Variants in AXDND1 observed in about 807,000 individuals in gnomAD.
AXDND1 encodes the protein axonemal dynein light chain domain containing 1, also known as axonemal dynein light chain domain-containing protein 1.
AXDND1 carries 110 observed loss-of-function variants against 137.5 expected under a neutral mutation model. That is an observed-to-expected ratio of 0.80 (90% CI 0.69 to 0.94). The LOEUF is 0.94. AXDND1 is among the 40% of genes least tolerant of loss of function. The pLI is 0.00. For missense variants in AXDND1, 1,191 were observed against 1,169.8 expected (o/e 1.02, Z -0.26); for synonymous variants, 414 against 399.7 (o/e 1.04, Z -0.43).
At chr1:179,518,796 A>G (rs112612176) in intron 21 of AXDND1, among the ~76,000 whole-genome samples, 4,576 of 151,986 alleles carry the variant, frequency 0.03, 214 homozygotes, top group African/African-American at 0.1. Context: ...TCATTGATGG[A>G]TATTTAGGTT....
intron 20 of AXDND1, among the ~76,000 whole-genome samples, chr1:179,501,688 C>A (rs1052138216): frequency 6.6e-6 from 1 of 151,832 alleles, no homozygotes; most frequent in African/African-American, 2.4e-5. Flanking sequence ...CCAGCCTGGG[C>A]GACAGAGTGA....
At chr1:179,488,655 C>CTT (rs747190313) in intron 18 of AXDND1, among the ~76,000 whole-genome samples, 42 of 107,170 alleles carry the variant, frequency 3.9e-4, no homozygotes, top group African/African-American at 6.9e-4. Context: ...TTCTTTCTTT[C>CTT]TTTCTTTCTT....
chr1:179,533,764 G>A, intron 23 of AXDND1, 31 bp from the exon 24 acceptor site: 3 of 1,508,368 alleles, frequency 2.0e-6, no homozygotes, highest in South Asian at 1.1e-5. Flanking sequence ...GAGACTGTCA[G>A]TTCATTCATA....
chr1:179,436,038 A>G (rs998213345), intron 15 of AXDND1, among the ~76,000 whole-genome samples: 1 of 152,232 alleles, frequency 6.6e-6, no homozygotes, highest in African/African-American at 2.4e-5. Flanking sequence ...AAGGATATGA[A>G]CAGACATTTC....
intron 12 of AXDND1, among the ~76,000 whole-genome samples, chr1:179,426,469 T>C (rs539249163): frequency 5.9e-5 from 9 of 152,032 alleles, no homozygotes; most frequent in African/African-American, 2.2e-4. Context: ...ATGATAAACA[T>C]GAACATTTGC....
chr1:179,523,766 G>C (rs1350609525), intron 21 of AXDND1, among the ~76,000 whole-genome samples: 2 of 151,970 alleles, frequency 1.3e-5, no homozygotes, highest in Non-Finnish European at 2.9e-5. Flanking sequence ...GGTTACATGA[G>C]TAAGTTCTTT....
chr1:179,389,020 G>A (rs1649699174), intron 9 of AXDND1, among the ~76,000 whole-genome samples: 1 of 111,688 alleles, frequency 9.0e-6, no homozygotes, highest in Non-Finnish European at 1.7e-5. Context: ...CGTCACCCAG[G>A]CTACAGTGCA....
chr1:179,404,247 A>C (rs143746047), intron 11 of AXDND1, among the ~76,000 whole-genome samples: 6,652 of 129,126 alleles, frequency 0.052, 222 homozygotes, highest in Non-Finnish European at 0.073. Flanking sequence ...TTTGAGATGG[A>C]GTCTCACTCT....
At chr1:179,484,731 C>T (rs937132113) in intron 18 of AXDND1, among the ~76,000 whole-genome samples, 4 of 152,214 alleles carry the variant, frequency 2.6e-5, no homozygotes, top group African/African-American at 7.2e-5. Context: ...AGACCTTGCC[C>T]CTCCTTCCCC....
At chr1:179,425,835 CTTTT>C (rs11300946) in intron 12 of AXDND1, among the ~76,000 whole-genome samples, 3 of 101,090 alleles carry the variant, frequency 3.0e-5, no homozygotes, top group Admixed American at 1.1e-4. Context: ...TGTGGAAGCT[CTTTT>C]TTTTTTTTTT....
At position 179,534,871 on chromosome 1, in the gene AXDND1, T is replaced by C. The variant is rs1479086957; in HGVS notation, c.2940T>C (p.Asn980=). The change falls in exon 25 of 26, where the codon AAT becomes AAC. Residue 980 remains asparagine, a synonymous_variant. Coordinates refer to ENST00000367618, the MANE Select transcript of AXDND1 (RefSeq NM_144696.6). ...AGGAGTCTAAAGAAGAGAAAGAAAA[T>C]CAAGATGAAAGAGAAGTAAAAGAAG... is the stretch of plus-strand genomic sequence containing the variant. ...SRKESKEEKE[N]QDEREVKEEE... is the part of the protein sequence containing the mutation. The C allele has an allele frequency of 6.2e-7, 1 of 1,608,550 alleles. No homozygotes were observed.
intron 4 of AXDND1, among the ~76,000 whole-genome samples, chr1:179,374,271 T>G (rs1668346906): frequency 6.6e-6 from 1 of 152,044 alleles, no homozygotes; most frequent in African/African-American, 2.4e-5. Context: ...AAAACCACAA[T>G]GAGATACCAT....
chr1:179,487,672 A>G (rs1666230892), intron 18 of AXDND1, among the ~76,000 whole-genome samples: 1 of 148,290 alleles, frequency 6.7e-6, no homozygotes, highest in Admixed American at 6.6e-5. Context: ...GAAGAAATAC[A>G]TCATTAGAAT....
chr1:179,518,316 A>G (rs923966097), intron 21 of AXDND1, among the ~76,000 whole-genome samples: 1 of 150,876 alleles, frequency 6.6e-6, no homozygotes, highest in African/African-American at 2.4e-5. Flanking sequence ...TTTTCTATTG[A>G]TCTGTCTATT....
chr1:179,468,129 T>G (rs1206991415), intron 16 of AXDND1, among the ~76,000 whole-genome samples: 4 of 133,762 alleles, frequency 3.0e-5, no homozygotes, highest in Non-Finnish European at 6.8e-5. Flanking sequence ...AATTAAGGTC[T>G]TTTACAGAAA....
intron 11 of AXDND1, among the ~76,000 whole-genome samples, chr1:179,398,665 G>A (rs1651455865): frequency 6.6e-6 from 1 of 152,138 alleles, no homozygotes; most frequent in African/African-American, 2.4e-5. Flanking sequence ...GCAAGGCTCT[G>A]GCAGATGCAG....
At position 179,445,046 on chromosome 1, in the gene AXDND1, A is replaced by G; in HGVS notation, c.1640A>G (p.His547Arg). Residue 547 changes from histidine (H) to arginine (R), a missense_variant, in exon 16 of 26, where the codon CAT (histidine) becomes CGT (arginine). Transcript: ENST00000367618. ...SKYDTLKIIK[H>R]LQENWADIGL... is the part of the protein sequence containing the mutation. ...TACGATACTCTCAAGATTATTAAAC[A>G]TTTACAGGAAAACTGGGCAGATATT... 2 of 1,613,540 alleles carry G rather than the reference A, an allele frequency of 1.2e-6. No individual in the cohort carries two copies. The highest frequency in any genetic ancestry group is 2.7e-5 in the African/African-American group (2 of 75,032).
chr1:179,455,787 C>A (rs550814598), intron 16 of AXDND1: 17 of 173,896 alleles, frequency 9.8e-5, no homozygotes, highest in Admixed American at 5.2e-4. Context: ...AGGAGGAAAC[C>A]CAATAGAATT....
chr1:179,508,195 G>T (rs1422934175), intron 20 of AXDND1, among the ~76,000 whole-genome samples: 1 of 152,060 alleles, frequency 6.6e-6, no homozygotes, highest in African/African-American at 2.4e-5. Flanking sequence ...AATTAGCCAG[G>T]TATGGTGGTG....
Sources: gnomAD v4.1 joint callset for allele counts (sites outside exome capture counted in the v4.1 genomes callset) on GRCh38, gnomAD v4.1.1 for gene constraint, MANE v1.5 for transcripts, NCBI Gene and HGNC (gene_info 2026-07-23, HGNC 2026-07-21) for gene names.